Variants in SGSM2 observed in about 807,000 individuals in gnomAD.
SGSM2 encodes small G protein signaling modulator 2.
In SGSM2, 89 loss-of-function variants were observed where a neutral mutation model predicts 126.6. The ratio of observed to expected loss-of-function variants is 0.70; its 90% CI spans 0.59 to 0.84. SGSM2 has a LOEUF of 0.84. Ranked by LOEUF, SGSM2 falls within the 40% of genes least tolerant of loss-of-function variation. The probability of loss-of-function intolerance (pLI) is 0.00; values close to 1 mark genes in which losing one functional copy is unlikely to be tolerated. For synonymous variants in SGSM2, 614 were observed against 574.3 expected (o/e 1.07, Z -0.99); for missense variants, 1,404 against 1,416.6 (o/e 0.99, Z 0.14).
chr17:2,339,725 A>G (rs887112077), intron 1 of SGSM2, among the ~76,000 whole-genome samples: 6 of 151,826 alleles, frequency 4.0e-5, no homozygotes, highest in Non-Finnish European at 7.4e-5. Context: ...AAAAAAAAAA[A>G]AGTCCCGGAA....
At chr17:2,373,564 T>C (rs1484102726) in intron 17 of SGSM2, 51 bp downstream of exon 17, 1 of 1,521,046 alleles carries the variant, frequency 6.6e-7, no homozygotes, top group Non-Finnish European at 8.9e-7. Context: ...CCACCCGCGT[T>C]TTATGCACAG....
In SGSM2 at chr17:2,372,077, C is replaced by T. The variant is rs748945266; in HGVS notation, c.1578-113C>T. The stretch of plus-strand genomic sequence containing the variant: ...CTGCTGGGCTGCGGCTCCTCCTCCT[C>T]GCACCCTCCCCAGTGCCTTACCTGC... On this transcript the variant is annotated intron_variant, in intron 13 of 23. Coordinates refer to ENST00000268989, the MANE Select transcript of SGSM2 (RefSeq NM_014853.3). This position sits in a 1 kb window ranked among gnomAD's most constrained non-coding sequence, Gnocchi z 6.0. 4.5e-5 allele frequency: 57 copies of T among 1,254,448 alleles called. No homozygotes were observed. Among genetic ancestry groups the T allele is most frequent in the Admixed American group, 8.8e-5 (5 of 57,000 alleles). 77.7% of individuals were successfully genotyped at this position (1,254,448 alleles called of 1,614,324 possible).
chr17:2,377,312 C>T, intron 21 of SGSM2: 1 of 451,474 alleles, frequency 2.2e-6, no homozygotes, highest in Non-Finnish European at 4.0e-6. Context: ...CGTGAAACCC[C>T]ATCTCTACTA....
At chr17:2,370,112 G>A (rs554683764) in intron 12 of SGSM2, among the ~76,000 whole-genome samples, 142 of 152,316 alleles carry the variant, frequency 9.3e-4, no homozygotes, top group Non-Finnish European at 1.7e-3. Flanking sequence ...CCACGCCTGC[G>A]GCAGGCCACA....
At chr17:2,364,323 G>A (rs2065458110) in intron 8 of SGSM2, 140 bp downstream of exon 8, 3 of 1,143,838 alleles carry the variant, frequency 2.6e-6, no homozygotes, top group African/African-American at 1.5e-5. Flanking sequence ...GGGAGCGGCT[G>A]CCTGGAGTGA....
intron 2 of SGSM2, among the ~76,000 whole-genome samples, chr17:2,360,140 C>T (rs2065251616): frequency 1.3e-5 from 2 of 152,072 alleles, no homozygotes; most frequent in South Asian, 2.1e-4. Context: ...GTCAGGAGTT[C>T]GAGACCAGCC....
At chr17:2,358,531 AGACCT>A in intron 2 of SGSM2, among the ~76,000 whole-genome samples, 1 of 152,116 alleles carries the variant, frequency 6.6e-6, no homozygotes, top group Non-Finnish European at 1.5e-5. Flanking sequence ...CAACATAGTG[AGACCT>A]CAGTCTCTAC....
At chr17:2,375,385 G>C (rs1364685728) in intron 17 of SGSM2, 107 bp from the exon 18 acceptor site, 5 of 1,378,872 alleles carry the variant, frequency 3.6e-6, no homozygotes, top group Middle Eastern at 2.5e-4. Flanking sequence ...TGGTGGGAGA[G>C]GGGGTGTGAA....
chr17:2,373,593 T>C, intron 17 of SGSM2, 80 bp downstream of exon 17: 3 of 1,336,356 alleles, frequency 2.2e-6, no homozygotes, highest in Non-Finnish European at 3.1e-6. Context: ...AGCACCAGCC[T>C]GACCTCTGGG....
At chr17:2,378,092 C>G in intron 22 of SGSM2, 139 bp downstream of exon 22, 1 of 566,326 alleles carries the variant, frequency 1.8e-6, no homozygotes, top group Non-Finnish European at 3.2e-6. Flanking sequence ...CCTGGCCCCA[C>G]CCAGCCCAGA....
chr17:2,372,802 G>A lies in SGSM2; in HGVS notation c.1789-151G>A. ...TCATCCCACTGTGAGCTGGGGCACG[G>A]GAGGACGTGGCCACCCCAAAGCAGG... On this transcript the variant is annotated intron_variant, in intron 15 of 23. Coordinates refer to ENST00000268989, the MANE Select transcript of SGSM2 (RefSeq NM_014853.3). This position sits in a 1 kb window ranked among gnomAD's most constrained non-coding sequence, Gnocchi z 6.0. The A allele has an allele frequency of 9.3e-7, 1 of 1,078,072 alleles. No homozygotes were observed. Among genetic ancestry groups the A allele is most frequent in the African/African-American group, 1.6e-5 (1 of 62,678 alleles). 66.8% of individuals were successfully genotyped at this position (1,078,072 alleles called of 1,614,324 possible).
intron 2 of SGSM2, among the ~76,000 whole-genome samples, chr17:2,352,767 C>CTTTTTT (rs71150860): frequency 6.7e-4 from 58 of 85,962 alleles, no homozygotes; most frequent in Non-Finnish European, 1.1e-3. Flanking sequence ...GCTGCATTTT[C>CTTTTTT]TTTTTTTTTT....
At position 2,380,081 on chromosome 17, in the gene SGSM2, C is replaced by A. The variant is rs2066348680; in HGVS notation, c.*561C>A. On this transcript the variant is annotated 3_prime_UTR_variant, in exon 24 of 24. Transcript: ENST00000268989. ...GGAGACCCGGGCCGCCTTCAGGCCGCTCCCCCGAGATTCTGGGGCAGTCGG... is the reference window on the plus strand; with the variant it reads ...GGAGACCCGGGCCGCCTTCAGGCCGATCCCCCGAGATTCTGGGGCAGTCGG... 1 of 1,404,580 alleles carries A rather than the reference C, an allele frequency of 7.1e-7. No homozygotes were observed. The highest frequency in any genetic ancestry group is 1.5e-5 in the African/African-American group (1 of 68,262). The allele number at this position is 1,404,580 out of a possible 1,614,324, so 87.0% of individuals were successfully genotyped here.
Position 2,379,214 on chromosome 17 carries a change from G to A in SGSM2, c.3067+11G>A. On this transcript the variant is annotated intron_variant, in intron 23 of 23. Transcript: ENST00000268989. Reference sequence around the variant, plus strand: ...TCAAGTTTTTCAATGGTACGAGCTGGTCCAGCCATCCAGGCTGCCCTGAGC... The same window carrying A: ...TCAAGTTTTTCAATGGTACGAGCTGATCCAGCCATCCAGGCTGCCCTGAGC... The A allele has an allele frequency of 6.2e-7, 1 of 1,613,916 alleles. No individual in the cohort carries two copies. The highest frequency in any genetic ancestry group is 8.5e-7 in the Non-Finnish European group (1 of 1,179,842).
intron 2 of SGSM2, among the ~76,000 whole-genome samples, chr17:2,359,226 C>CGGGGCCATAGTTCTCA (rs1567817902): frequency 6.6e-6 from 1 of 151,922 alleles, no homozygotes; most frequent in African/African-American, 2.4e-5. Context: ...AAAGTCCTCT[C>CGGGGCCATAGTTCTCA]GGGGCCATAG....
At position 2,379,650 on chromosome 17, in the gene SGSM2, C is replaced by A; in HGVS notation, c.*130C>A. The stretch of plus-strand genomic sequence containing the variant: ...TGTTCCTAACAAAGCGGTTGTGAGC[C>A]TGGATCCGACTCCCGGCAGTGCTGA... On this transcript the variant is annotated 3_prime_UTR_variant, in exon 24 of 24. Transcript: ENST00000268989. 6.8e-7 allele frequency: 1 copy of A among 1,465,510 alleles called. No individual in the cohort carries two copies. The highest frequency in any genetic ancestry group is 9.1e-7 in the Non-Finnish European group (1 of 1,103,462). 90.8% of individuals were successfully genotyped at this position (1,465,510 alleles called of 1,614,324 possible).
chr17:2,359,535 G>T (rs1224625425), intron 2 of SGSM2, among the ~76,000 whole-genome samples: 1 of 152,100 alleles, frequency 6.6e-6, no homozygotes, highest in Admixed American at 6.5e-5. Flanking sequence ...GGTAAAGGGG[G>T]GACTGAGCGT....
chr17:2,361,299 G>A (rs548369983), intron 2 of SGSM2, among the ~76,000 whole-genome samples: 133 of 152,318 alleles, frequency 8.7e-4, no homozygotes, highest in Non-Finnish European at 1.6e-3. Context: ...TCACATCCCC[G>A]TCCTGTAGGT....
chr17:2,369,968 C>G (rs553084000), intron 12 of SGSM2, among the ~76,000 whole-genome samples: 1 of 152,202 alleles, frequency 6.6e-6, no homozygotes, highest in African/African-American at 2.4e-5. Flanking sequence ...ATCTGCAAAA[C>G]TCCCGGCCGT....
Sources: allele counts gnomAD v4.1 joint callset (sites outside exome capture counted in the v4.1 genomes callset), GRCh38; gene constraint gnomAD v4.1.1; non-coding constraint Gnocchi (gnomAD v3.1); transcripts MANE v1.5; gene names NCBI Gene and HGNC (gene_info 2026-07-23, HGNC 2026-07-21).